The following NRXN3 variants were observed in gnomAD, a reference collection of about 807,000 sequenced individuals.
NRXN3 encodes the protein neurexin III.
In NRXN3, 32 loss-of-function variants were observed where a neutral mutation model predicts 137.6. The ratio of observed to expected loss-of-function variants is 0.23; its 90% CI spans 0.18 to 0.31. The LOEUF (loss-of-function observed/expected upper bound fraction) is 0.31. Among genes scored for constraint, NRXN3 ranks in the 10% least tolerant of loss-of-function variants. NRXN3 has a pLI of 1.00. For missense variants in NRXN3, 1,574 were observed against 2,062.5 expected (o/e 0.76, Z 4.59); for synonymous variants, 798 against 784.5 (o/e 1.02, Z -0.29).
chr14:79,258,913 T>C (rs1314993709), intron 15 of NRXN3, among the ~76,000 whole-genome samples: 1 of 152,228 alleles, frequency 6.6e-6, no homozygotes, highest in Admixed American at 6.5e-5. Context: ...TCAACTTCCA[T>C]GGCCCTTTTG....
intron 15 of NRXN3, among the ~76,000 whole-genome samples, chr14:79,311,702 A>T (rs1598571509): frequency 9.7e-6 from 1 of 102,584 alleles, no homozygotes; most frequent in Non-Finnish European, 2.0e-5. Flanking sequence ...TTTCTTCTAG[A>T]TTTTCTAGTT....
At chr14:78,533,306 A>G (rs548207957) in intron 4 of NRXN3, among the ~76,000 whole-genome samples, 1 of 151,488 alleles carries the variant, frequency 6.6e-6, no homozygotes, top group Non-Finnish European at 1.5e-5. Context: ...GGCTGGTCTC[A>G]AACTCCTGAC....
At chr14:78,741,300 G>A (rs753065533) in intron 8 of NRXN3, among the ~76,000 whole-genome samples, 3 of 152,084 alleles carry the variant, frequency 2.0e-5, no homozygotes, top group Non-Finnish European at 4.4e-5. Context: ...CAACACGTGG[G>A]GAGATATGAT....
At chr14:79,416,818 A>G (rs2095503495) in intron 15 of NRXN3, among the ~76,000 whole-genome samples, 1 of 152,212 alleles carries the variant, frequency 6.6e-6, no homozygotes, top group Admixed American at 6.6e-5. Flanking sequence ...AAACTCAAAG[A>G]TAACATTACA....
chr14:79,011,476 T>G (rs1222375465), intron 15 of NRXN3, among the ~76,000 whole-genome samples: 1 of 150,978 alleles, frequency 6.6e-6, no homozygotes, highest in East Asian at 1.9e-4. Context: ...GAGGACTATG[T>G]CAGTTGAGTT....
chr14:79,707,581 C>T (rs1311650237), intron 19 of NRXN3, among the ~76,000 whole-genome samples: 3 of 152,008 alleles, frequency 2.0e-5, no homozygotes, highest in Non-Finnish European at 4.4e-5. Context: ...TAAATGGGTG[C>T]GGCTCAAAGA....
intron 15 of NRXN3, chr14:79,280,541 A>G: frequency 6.2e-6 from 10 of 1,609,596 alleles, no homozygotes; most frequent in Non-Finnish European, 8.5e-6. Context: ...AGGACACGGT[A>G]GGTCTCTCTG....
chr14:79,626,801 GA>G (rs2098286513), intron 16 of NRXN3, among the ~76,000 whole-genome samples: 1 of 152,122 alleles, frequency 6.6e-6, no homozygotes, highest in Non-Finnish European at 1.5e-5. Flanking sequence ...AAGGTTTCCA[GA>G]TTATCCAATA....
chr14:78,928,101 G>A (rs969049420), intron 10 of NRXN3, among the ~76,000 whole-genome samples: 6 of 152,080 alleles, frequency 3.9e-5, no homozygotes, highest in South Asian at 2.1e-4. Context: ...CAGCAATAGT[G>A]GGGTTGTTAA....
At chr14:78,625,542 G>C (rs952512033) in intron 4 of NRXN3, among the ~76,000 whole-genome samples, 2 of 152,178 alleles carry the variant, frequency 1.3e-5, no homozygotes, top group Non-Finnish European at 2.9e-5. Flanking sequence ...AGGGAGGCAT[G>C]GTTCTCTTGG....
chr14:79,098,160 G>A (rs1417909887), intron 15 of NRXN3, among the ~76,000 whole-genome samples: 1 of 151,990 alleles, frequency 6.6e-6, no homozygotes, highest in East Asian at 1.9e-4. Context: ...TATTATTGTC[G>A]AATTAAAGCA....
intron 10 of NRXN3, among the ~76,000 whole-genome samples, chr14:78,822,098 C>G (rs2098952421): frequency 6.6e-6 from 1 of 152,148 alleles, no homozygotes; most frequent in African/African-American, 2.4e-5. Flanking sequence ...ATTCTTTCCC[C>G]TCTTCATATC....
chr14:78,569,911 C>T (rs2096874311), intron 4 of NRXN3, among the ~76,000 whole-genome samples: 1 of 152,234 alleles, frequency 6.6e-6, no homozygotes, highest in Admixed American at 6.5e-5. Flanking sequence ...AACTGCAGTT[C>T]TAACAGTTGC....
At chr14:79,202,150 T>C (rs1341506192) in intron 15 of NRXN3, among the ~76,000 whole-genome samples, 2 of 151,190 alleles carry the variant, frequency 1.3e-5, no homozygotes, top group East Asian at 3.9e-4. Context: ...TAAACAAGAG[T>C]CACAGAAATC....
intron 15 of NRXN3, among the ~76,000 whole-genome samples, chr14:79,026,950 TTATATA>T (rs764640398): frequency 8.1e-5 from 11 of 135,120 alleles, no homozygotes; most frequent in African/African-American, 3.0e-4. Flanking sequence ...TATTATAATT[TTATATA>T]TATATATATA....
intron 4 of NRXN3, among the ~76,000 whole-genome samples, chr14:78,389,047 T>A (rs2090385477): frequency 8.6e-6 from 1 of 116,240 alleles, no homozygotes; most frequent in African/African-American, 3.3e-5. Flanking sequence ...TATAAAAATG[T>A]TTAAGTTTCT....
intron 10 of NRXN3, among the ~76,000 whole-genome samples, chr14:78,844,754 G>GA (rs1377851069): frequency 6.6e-6 from 1 of 152,022 alleles, no homozygotes; most frequent in Non-Finnish European, 1.5e-5. Flanking sequence ...TGATTTGGTT[G>GA]AAAAAATATT....
intron 4 of NRXN3, among the ~76,000 whole-genome samples, chr14:78,401,700 C>T (rs1235400693): frequency 2.0e-5 from 3 of 152,240 alleles, no homozygotes; most frequent in African/African-American, 7.2e-5. Context: ...TTTGCTTGAA[C>T]AAATAGCCAG....
chr14:78,491,515 A>G (rs11622766), intron 4 of NRXN3, among the ~76,000 whole-genome samples: 43,829 of 152,134 alleles, frequency 0.29, 7,966 homozygotes, highest in East Asian at 0.39. Context: ...TATTGTAGAG[A>G]CAGAAATTCC....
Sources: gnomAD v4.1 joint callset for allele counts (sites outside exome capture counted in the v4.1 genomes callset) on GRCh38, gnomAD v4.1.1 for gene constraint, MANE v1.5 for transcripts, NCBI Gene and HGNC (gene_info 2026-07-23, HGNC 2026-07-21) for gene names.